Variants in SORCS2 observed in about 807,000 individuals in gnomAD.
SORCS2 encodes the protein VPS10 domain-containing receptor SorCS2.
SORCS2 carries 100 observed loss-of-function variants against 141.6 expected under a neutral mutation model. That is an observed-to-expected ratio of 0.71 (90% CI 0.60 to 0.83). The LOEUF (loss-of-function observed/expected upper bound fraction) is 0.83, where lower values mean the gene tolerates loss of function less well. Among genes scored for constraint, SORCS2 ranks in the 40% least tolerant of loss-of-function variants. The pLI, the probability that SORCS2 is intolerant of heterozygous loss-of-function variation, is 0.00. For missense variants in SORCS2, 1,646 were observed against 1,560.2 expected (o/e 1.05, Z -0.93); for synonymous variants, 789 against 676.9 (o/e 1.17, Z -2.57).
chr4:7,318,562 T>A (rs1030685542), intron 1 of SORCS2, among the ~76,000 whole-genome samples: 2 of 152,156 alleles, frequency 1.3e-5, no homozygotes, highest in Non-Finnish European at 2.9e-5. Context: ...GTTTTGATGG[T>A]AAAATGTCTA....
chr4:7,668,238 A>AGGAGGGAGAGACACAGAGTGAT (rs1166572359), intron 8 of SORCS2, among the ~76,000 whole-genome samples: 16 of 152,164 alleles, frequency 1.1e-4, no homozygotes, highest in Middle Eastern at 3.2e-3. Context: ...AGAAGGGAAC[A>AGGAGGGAGAGACACAGAGTGAT]GGAGGGAGAG....
At chr4:7,553,308 A>AG (rs747347083) in intron 3 of SORCS2, among the ~76,000 whole-genome samples, 10 of 151,846 alleles carry the variant, frequency 6.6e-5, no homozygotes, top group Non-Finnish European at 1.2e-4. Flanking sequence ...TAATTATGAG[A>AG]GGGGGGAAAA....
chr4:7,384,743 C>G (rs1008833420), intron 1 of SORCS2, among the ~76,000 whole-genome samples: 48 of 152,202 alleles, frequency 3.2e-4, no homozygotes, highest in African/African-American at 1.1e-3. Flanking sequence ...ACTGCACGGC[C>G]AACTCCCTGC....
At chr4:7,713,966 T>C (rs1726002963) in intron 15 of SORCS2, among the ~76,000 whole-genome samples, 2 of 152,252 alleles carry the variant, frequency 1.3e-5, no homozygotes, top group South Asian at 4.1e-4. Flanking sequence ...GAGGGGAACC[T>C]CAAAAGGGCT....
At position 7,663,925 on chromosome 4, in the gene SORCS2, C is replaced by A. The variant is rs1445035279; in HGVS notation, c.953-428C>A. On this transcript the variant is annotated intron_variant, in intron 6 of 26. Coordinates refer to ENST00000507866, the MANE Select transcript of SORCS2 (RefSeq NM_020777.3). The surrounding 1 kb of genome is among the most constrained non-coding windows in gnomAD (Gnocchi z 4.8). Reference sequence around the variant, plus strand: ...AAGCATGCATTCAGTATTGCTCAACCATAAATATTTGGAAAAGGGTAGAAG... The same window carrying A: ...AAGCATGCATTCAGTATTGCTCAACAATAAATATTTGGAAAAGGGTAGAAG... Among the ~76,000 whole-genome samples the A allele has an allele frequency of 6.6e-6, 1 of 152,216 alleles. No individual in the cohort carries two copies. Among genetic ancestry groups the A allele is most frequent in the East Asian group, 1.9e-4 (1 of 5,188 alleles).
intron 20 of SORCS2, among the ~76,000 whole-genome samples, chr4:7,726,183 C>T (rs1335474109): frequency 3.9e-5 from 6 of 152,202 alleles, no homozygotes; most frequent in Admixed American, 1.3e-4. Context: ...TCCACAGCTG[C>T]GGTGGCCATG....
intron 2 of SORCS2, among the ~76,000 whole-genome samples, chr4:7,488,498 C>G (rs1194797967): frequency 6.6e-6 from 1 of 152,224 alleles, no homozygotes; most frequent in South Asian, 2.1e-4. Flanking sequence ...GCTCGACACA[C>G]CCACTCTTGC....
intron 2 of SORCS2, among the ~76,000 whole-genome samples, chr4:7,495,731 A>T (rs1731575024): frequency 6.6e-6 from 1 of 152,160 alleles, no homozygotes; most frequent in South Asian, 2.1e-4. Flanking sequence ...CATGATCCTG[A>T]TGCCTGGGCC....
intron 2 of SORCS2, among the ~76,000 whole-genome samples, chr4:7,512,248 C>G (rs761967245): frequency 2.6e-5 from 4 of 151,694 alleles, no homozygotes; most frequent in Non-Finnish European, 5.9e-5. Context: ...TCTCTGTGGC[C>G]GCATCTCGAA....
At chr4:7,218,483 T>C (rs1728508548) in intron 1 of SORCS2, among the ~76,000 whole-genome samples, 1 of 152,244 alleles carries the variant, frequency 6.6e-6, no homozygotes, top group African/African-American at 2.4e-5. Context: ...ATTATAGATA[T>C]TGGCTTTAGC....
chr4:7,506,161 C>T (rs565099379), intron 2 of SORCS2, among the ~76,000 whole-genome samples: 21 of 152,064 alleles, frequency 1.4e-4, no homozygotes, highest in Non-Finnish European at 2.9e-4. Context: ...ACAGCCACAG[C>T]GTCCTGTGTG....
chr4:7,199,686 T>C (rs13137288), intron 1 of SORCS2, among the ~76,000 whole-genome samples: 26,760 of 151,880 alleles, frequency 0.18, 2,380 homozygotes, highest in South Asian at 0.3. Flanking sequence ...GGGCGGGCCA[T>C]TCTGGGAAGG....
chr4:7,444,261 T>C (rs1042980177), intron 2 of SORCS2, among the ~76,000 whole-genome samples: 8 of 152,372 alleles, frequency 5.3e-5, no homozygotes, highest in East Asian at 1.9e-4. Context: ...TTGGAACTTA[T>C]ATTCTAGCGG....
chr4:7,657,493 GAATGAGTA>G (rs1160337008), intron 5 of SORCS2, among the ~76,000 whole-genome samples: 5 of 87,016 alleles, frequency 5.7e-5, no homozygotes, highest in Admixed American at 2.4e-4. Flanking sequence ...GTCAATGAAT[GAATGAGTA>G]AATGAATGAG....
intron 2 of SORCS2, among the ~76,000 whole-genome samples, chr4:7,506,614 C>G (rs532551086): frequency 1.4e-3 from 209 of 152,356 alleles, no homozygotes; most frequent in Non-Finnish European, 2.1e-3. Flanking sequence ...TCATTTCCCC[C>G]TGCTCTGGGC....
chr4:7,705,412 G>A (rs1367269817), intron 14 of SORCS2, among the ~76,000 whole-genome samples: 1 of 152,232 alleles, frequency 6.6e-6, no homozygotes, highest in African/African-American at 2.4e-5. Flanking sequence ...AGAGTTCATG[G>A]TAATTTGCCA....
chr4:7,209,774 G>T (rs1296086326), intron 1 of SORCS2, among the ~76,000 whole-genome samples: 3 of 151,932 alleles, frequency 2.0e-5, no homozygotes, highest in Non-Finnish European at 4.4e-5. Context: ...AGAACCTACC[G>T]ACCAACCATG....
At chr4:7,631,804 C>G (rs569518563) in intron 3 of SORCS2, among the ~76,000 whole-genome samples, 2 of 151,778 alleles carry the variant, frequency 1.3e-5, no homozygotes, top group South Asian at 4.2e-4. Flanking sequence ...TTCACAGGGT[C>G]GGAAATCCAT....
rs1244666178 is a variant in SORCS2, at chr4:7,740,640, C to T, written c.*376C>T. ...ACCTCGGGCTGCAAGAGCTGCAGAC[C>T]CGTTCAGACACTGCGTTGCGGGCTC... is the stretch of plus-strand genomic sequence containing the variant. On this transcript the variant is annotated 3_prime_UTR_variant, in exon 27 of 27. Coordinates refer to ENST00000507866, the MANE Select transcript of SORCS2 (RefSeq NM_020777.3). 3.1e-6 allele frequency: 1 copy of T among 321,974 alleles called. No individual in the cohort carries two copies. The highest frequency in any genetic ancestry group is 2.0e-5 in the African/African-American group (1 of 49,048). The allele number at this position is 321,974 out of a possible 1,614,324, so 19.9% of individuals were successfully genotyped here.
Sources: gnomAD v4.1 joint callset for allele counts (sites outside exome capture counted in the v4.1 genomes callset) on GRCh38, gnomAD v4.1.1 for gene constraint, Gnocchi (gnomAD v3.1) non-coding constraint, MANE v1.5 for transcripts, NCBI Gene and HGNC (gene_info 2026-07-23, HGNC 2026-07-21) for gene names.